CSTF3: variants seen among roughly 807,000 people sequenced by gnomAD.
CSTF3 encodes CF-1 77 kDa subunit.
A neutral mutation model predicts 105.8 loss-of-function variants in CSTF3; 29 were observed. The ratio of observed to expected loss-of-function variants is 0.27; its 90% confidence interval spans 0.20 to 0.37. CSTF3 has a LOEUF of 0.37. Ranked by LOEUF, CSTF3 falls within the 10% of genes least tolerant of loss-of-function variation. CSTF3 has a pLI of 1.00. For synonymous variants in CSTF3, 252 were observed against 281.9 expected, an observed-to-expected ratio of 0.89 and a Z score of 1.06; for missense variants, 357 against 879.3, an observed-to-expected ratio of 0.41 and a Z score of 7.51.
chr11:33,099,832 T>C lies in CSTF3; in HGVS notation c.827-115A>G, dbSNP rs1855262199. ...CTCAAAAATTAATGATAATTAGAAA[T>C]AAAAAGCTTTAGTGATTTCTGGCAC... On this transcript the variant is annotated intron_variant, in intron 10 of 20. Coordinates refer to ENST00000323959, the MANE Select transcript of CSTF3 (RefSeq NM_001326.3). The surrounding 1 kb of genome is among the most constrained non-coding windows in gnomAD (Gnocchi z 4.1). The C allele has an allele frequency of 1.2e-5, 7 of 595,710 alleles. No individual in the cohort carries two copies. Among genetic ancestry groups the C allele is most frequent in the Non-Finnish European group, 1.9e-5 (7 of 360,830 alleles). 36.9% of individuals were successfully genotyped at this position (595,710 alleles called of 1,614,324 possible).
intron 3 of CSTF3, among the ~76,000 whole-genome samples, chr11:33,132,517 G>T (rs1855609900): frequency 1.3e-5 from 2 of 152,082 alleles, no homozygotes; most frequent in Non-Finnish European, 2.9e-5. Flanking sequence ...ATGAACAACT[G>T]CGCCCAGCCA....
At chr11:33,087,261 G>A (rs1855115880) in intron 17 of CSTF3, 120 bp from the exon 18 acceptor site, 1 of 1,008,948 alleles carries the variant, frequency 9.9e-7, no homozygotes, top group African/African-American at 1.6e-5. Context: ...AGAAAATGGA[G>A]ACGGATAAGC....
rs1855341192 is a variant in CSTF3 at position 33,107,761 on chromosome 11, A to T, written c.356+142T>A. The T allele has an allele frequency of 1.5e-5, 8 of 526,242 alleles. No individual in the cohort carries two copies. In the East Asian group the frequency reaches 2.6e-4, roughly 17 times the overall value. The allele number at this position is 526,242 out of a possible 1,614,324, so 32.6% of individuals were successfully genotyped here. On this transcript the variant is annotated intron_variant, in intron 5 of 20. Coordinates refer to ENST00000323959, the MANE Select transcript of CSTF3 (RefSeq NM_001326.3). ...GACTTTCTCTGAAGCACTTTTTTCA[A>T]GGTTACTAATTCTTAGGAAATCCTG...
chr11:33,098,954 G>T, intron 12 of CSTF3, 80 bp downstream of exon 12: 3 of 1,506,658 alleles, frequency 2.0e-6, no homozygotes, highest in Non-Finnish European at 2.6e-6. Context: ...AATATGCCTG[G>T]CAAACAAGCA....
chr11:33,089,671 A>G (rs2061474692), intron 17 of CSTF3, among the ~76,000 whole-genome samples: 1 of 152,214 alleles, frequency 6.6e-6, no homozygotes, highest in Admixed American at 6.5e-5. Context: ...CTGAATATCA[A>G]TTATGGGTAG....
chr11:33,136,994 ATTAAT>A (rs1275799371), intron 3 of CSTF3, among the ~76,000 whole-genome samples: 1 of 151,880 alleles, frequency 6.6e-6, no homozygotes, highest in Non-Finnish European at 1.5e-5. Flanking sequence ...TTGTTTCACC[ATTAAT>A]TTTAGAATGT....
At position 33,161,440 on chromosome 11, in the gene CSTF3, ACCG is replaced by A. The variant is rs1410113282; in HGVS notation, c.-118_-116del. On this transcript the variant is annotated 5_prime_UTR_variant, in exon 1 of 21. Coordinates refer to ENST00000323959, the MANE Select transcript of CSTF3 (RefSeq NM_001326.3). ...GTTACCCCCTGCCCAGCTGAGCCAGACCGCCAACACCAATCGCCACCGCCCACT... is the reference window on the plus strand; with the variant it reads ...GTTACCCCCTGCCCAGCTGAGCCAGACCAACACCAATCGCCACCGCCCACT... 8.6e-6 allele frequency: 9 copies of A among 1,048,992 alleles called. No homozygotes were observed. The East Asian group carries it at 2.2e-4, about 26-fold the overall frequency. 65.0% of individuals were successfully genotyped at this position (1,048,992 alleles called of 1,614,324 possible). A position where few individuals can be genotyped will look rare whatever the true frequency, so the allele number is the denominator to read the frequency against.
intron 3 of CSTF3, 162 bp downstream of exon 3, chr11:33,141,505 C>CA: frequency 7.6e-7 from 1 of 1,321,032 alleles, no homozygotes; most frequent in Non-Finnish European, 9.7e-7. Flanking sequence ...ACCCAAATTT[C>CA]AAAAATTCAT....
chr11:33,123,701 G>A (rs572957299), intron 3 of CSTF3, among the ~76,000 whole-genome samples: 2 of 151,500 alleles, frequency 1.3e-5, no homozygotes, highest in East Asian at 3.9e-4. Context: ...ATAAAAAAAA[G>A]GTGCAAAACA....
intron 3 of CSTF3, among the ~76,000 whole-genome samples, chr11:33,121,132 T>C (rs1014798073): frequency 6.6e-6 from 1 of 152,018 alleles, no homozygotes; most frequent in Non-Finnish European, 1.5e-5. Context: ...AATAGCCATG[T>C]AAAAGATGGG....
At chr11:33,087,255 A>G in intron 17 of CSTF3, 114 bp from the exon 18 acceptor site, 1 of 1,060,740 alleles carries the variant, frequency 9.4e-7, no homozygotes, top group Non-Finnish European at 1.4e-6. Context: ...ACAGAAAGAA[A>G]ATGGAGACGG....
intron 3 of CSTF3, among the ~76,000 whole-genome samples, chr11:33,131,691 A>AC: frequency 1.2e-5 from 1 of 81,032 alleles, no homozygotes; most frequent in Non-Finnish European, 3.0e-5. Context: ...CTAAAAATAC[A>AC]AAAAAAAAAA....
chr11:33,161,274 A>G (rs1329459647), intron 1 of CSTF3, 25 bp downstream of exon 1: 1 of 1,612,706 alleles, frequency 6.2e-7, no homozygotes, highest in Non-Finnish European at 8.5e-7. Flanking sequence ...GGTCGCCACG[A>G]GGCCCCACCA....
At chr11:33,103,630 T>C (rs1283773910) in intron 8 of CSTF3, among the ~76,000 whole-genome samples, 1 of 151,962 alleles carries the variant, frequency 6.6e-6, no homozygotes, top group Non-Finnish European at 1.5e-5. Context: ...ATTAGCTGGG[T>C]GTGGTGGTGT....
In CSTF3 at chr11:33,099,023, T is replaced by C. The variant is rs1461010261; in HGVS notation, c.1053+11A>G. On this transcript the variant is annotated intron_variant, in intron 12 of 20. Transcript: ENST00000323959. The surrounding 1 kb of genome is among the most constrained non-coding windows in gnomAD (Gnocchi z 4.1). ...TTGAATTATAAGAAGGCTCTAAACA[T>C]TTTTACTTACCTCTTCATAATCTGC... is the stretch of plus-strand genomic sequence containing the variant. 2 of 1,561,690 alleles carry C rather than the reference T, an allele frequency of 1.3e-6. No homozygotes were observed. Among genetic ancestry groups the C allele is most frequent in the African/African-American group, 2.8e-5 (2 of 71,456 alleles).
chr11:33,157,873 T>C (rs1212597446), intron 1 of CSTF3, among the ~76,000 whole-genome samples: 1 of 152,204 alleles, frequency 6.6e-6, no homozygotes, highest in African/African-American at 2.4e-5. Flanking sequence ...TTTTTTCTTA[T>C]TATTCTTTAG....
intron 1 of CSTF3, among the ~76,000 whole-genome samples, chr11:33,146,300 T>C (rs2133802771): frequency 6.6e-6 from 1 of 152,222 alleles, no homozygotes; most frequent in African/African-American, 2.4e-5. Context: ...GATTCTGAAT[T>C]CCACTTCTAT....
intron 3 of CSTF3, among the ~76,000 whole-genome samples, chr11:33,130,215 G>A (rs1855584509): frequency 6.6e-6 from 1 of 152,326 alleles, no homozygotes; most frequent in South Asian, 2.1e-4. Context: ...GCTCATGCCT[G>A]TAATCCCAGC....
In CSTF3 at chr11:33,084,882, A is replaced by G. The variant is rs1855086382; in HGVS notation, c.*205T>C. On this transcript the variant is annotated 3_prime_UTR_variant, in exon 21 of 21. Transcript: ENST00000323959. ...CTGTTCTCACATTTTTGAAAACCTA[A>G]TTTTGCTTAGAGCATAGGTCTGTTC... The G allele has an allele frequency of 3.3e-6, 2 of 615,126 alleles. No individual in the cohort carries two copies. The highest frequency in any genetic ancestry group is 3.7e-5 in the African/African-American group (2 of 54,178). The allele number at this position is 615,126 out of a possible 1,614,324, so 38.1% of individuals were successfully genotyped here.
Sources: gnomAD v4.1 joint callset for allele counts (sites outside exome capture counted in the v4.1 genomes callset) on GRCh38, gnomAD v4.1.1 for gene constraint, Gnocchi (gnomAD v3.1) non-coding constraint, MANE v1.5 for transcripts, NCBI Gene and HGNC (gene_info 2026-07-23, HGNC 2026-07-21) for gene names.